Variants in LCOR observed in about 807,000 individuals in gnomAD.
LCOR encodes the protein ligand dependent nuclear receptor corepressor.
LCOR carries 14 observed loss-of-function variants against 64.4 expected under a neutral mutation model. That is an observed-to-expected ratio of 0.22 (90% CI 0.14 to 0.34). The LOEUF (loss-of-function observed/expected upper bound fraction) is 0.34, where lower values mean the gene tolerates loss of function less well. Among genes scored for constraint, LCOR ranks in the 10% least tolerant of loss-of-function variants. The pLI, the probability that LCOR is intolerant of heterozygous loss-of-function variation, is 1.00. For missense variants in LCOR, 1,686 were observed against 1,765.3 expected (o/e 0.96, Z 0.80); for synonymous variants, 643 against 642.5 (o/e 1.00, Z -0.01).
rs192159363 is a variant in LCOR, at chr10:96,854,426, A to G, written c.-330+20947A>G. 5.2e-3 allele frequency among the ~76,000 whole-genome samples: 791 copies of G among 152,250 alleles called. 6 individuals carry two copies. The highest frequency in any genetic ancestry group is 1.0e-2 in the African/African-American group (415 of 41,552). On this transcript the variant is annotated intron_variant, in intron 2 of 7. Coordinates refer to ENST00000421806, the MANE Select transcript of LCOR (RefSeq NM_001346516.2). The stretch of plus-strand genomic sequence containing the variant: ...ACCACAGCCTCCGCCTCCTGGGTTC[A>G]AGTGATTCTCCTGCCTCAGCCTCCC...
rs138597204 is a variant in LCOR, at chr10:96,835,824, T to G, written c.-330+2345T>G. On this transcript the variant is annotated intron_variant, in intron 2 of 7. Coordinates refer to ENST00000421806, the MANE Select transcript of LCOR (RefSeq NM_001346516.2). ...GGTGGTGGTGATGTTGCTGATTAAA[T>G]GATTAGGTTCAGTTGAATTGGAGTT... Among the ~76,000 whole-genome samples, 33 of 152,302 alleles carry G rather than the reference T, an allele frequency of 2.2e-4. No homozygotes were observed. In the East Asian group the frequency reaches 5.8e-3, roughly 27 times the overall value.
At position 96,953,314 on chromosome 10, in the gene LCOR, G is replaced by A. The variant is rs1005995579; in HGVS notation, c.332+1118G>A. ...GGCCTGTAATCCCAGCACTTTGGGC[G>A]GCTGAAGCGGGCAGATCACTTGAGG... On this transcript the variant is annotated intron_variant, in intron 7 of 7. Coordinates refer to ENST00000421806, the MANE Select transcript of LCOR (RefSeq NM_001346516.2). 2.6e-5 allele frequency among the ~76,000 whole-genome samples: 4 copies of A among 151,996 alleles called. No individual in the cohort carries two copies. The South Asian group carries it at 6.2e-4, about 24-fold the overall frequency.
At chr10:96,904,505 A>G (rs541025365) in intron 2 of LCOR, among the ~76,000 whole-genome samples, 1 of 152,286 alleles carries the variant, frequency 6.6e-6, no homozygotes, top group African/African-American at 2.4e-5. Flanking sequence ...TGTTTTAGGA[A>G]TAGCCTGAAG....
At chr10:96,931,547 T>C (rs909222917) in intron 4 of LCOR, among the ~76,000 whole-genome samples, 1 of 152,122 alleles carries the variant, frequency 6.6e-6, no homozygotes, top group Admixed American at 6.6e-5. Flanking sequence ...ATTGGTAGTT[T>C]CTATAGCTCT....
chr10:96,986,412 C>T lies in LCOR; in HGVS notation c.*1278C>T, dbSNP rs57437078. On this transcript the variant is annotated 3_prime_UTR_variant, in exon 8 of 8. Coordinates refer to ENST00000421806, the MANE Select transcript of LCOR (RefSeq NM_001346516.2). ...CTGTGAAGAGCCCACACACCCCCTA[C>T]ACCCAGAGCTGATGTTCAGCTGTAT... 7,150 of 152,514 alleles carry T rather than the reference C, an allele frequency of 0.047. 256 individuals carry two copies. The highest frequency in any genetic ancestry group is 0.18 in the East Asian group (918 of 5,186). 9.4% of individuals were successfully genotyped at this position (152,514 alleles called of 1,614,324 possible).
chr10:96,859,147 A>G (rs1368473915), intron 2 of LCOR, among the ~76,000 whole-genome samples: 2 of 152,154 alleles, frequency 1.3e-5, no homozygotes, highest in African/African-American at 4.8e-5. Context: ...TTTAACTGAT[A>G]TCATCAGGAA....
rs1038756064 is a variant in LCOR at position 96,887,404 on chromosome 10, A to G, written c.-329-19861A>G. Among the ~76,000 whole-genome samples the G allele has an allele frequency of 1.3e-5, 2 of 152,024 alleles. 1 individual carries two copies. The highest frequency in any genetic ancestry group is 4.1e-4 in the South Asian group (2 of 4,820). ...TGGTGAAACCCCGTCTCTACTAAAA[A>G]TACAAAAAATTAGCCGGGCGTCGTG... is the stretch of plus-strand genomic sequence containing the variant. On this transcript the variant is annotated intron_variant, in intron 2 of 7. Transcript: ENST00000421806.
rs1216452399 is a variant in LCOR, at chr10:96,839,985, T to G, written c.-330+6506T>G. Reference sequence around the variant, plus strand: ...TGTGAGCCACCACCCCTGGTTTATATTTTGTTTCCTGGTGCTAAGTTAAAT... The same window carrying G: ...TGTGAGCCACCACCCCTGGTTTATAGTTTGTTTCCTGGTGCTAAGTTAAAT... On this transcript the variant is annotated intron_variant, in intron 2 of 7. Coordinates refer to ENST00000421806, the MANE Select transcript of LCOR (RefSeq NM_001346516.2). Among the ~76,000 whole-genome samples, 4 of 152,332 alleles carry G rather than the reference T, an allele frequency of 2.6e-5. No individual in the cohort carries two copies. The South Asian group carries it at 6.2e-4, about 24-fold the overall frequency.
intron 2 of LCOR, among the ~76,000 whole-genome samples, chr10:96,861,801 G>T (rs186332477): frequency 6.6e-6 from 1 of 152,122 alleles, no homozygotes; most frequent in South Asian, 2.1e-4. Context: ...CAAAGTGCTG[G>T]GATTGCAGGT....
intron 7 of LCOR, 46 bp downstream of exon 7, chr10:96,952,242 T>A (rs534465047): frequency 7.6e-7 from 1 of 1,309,092 alleles, no homozygotes; most frequent in Admixed American, 1.8e-5. Context: ...TATAGATAAT[T>A]CATCAAAGGT....
chr10:96,952,293 C>T (rs1847695209), intron 7 of LCOR, 97 bp downstream of exon 7: 1 of 759,712 alleles, frequency 1.3e-6, no homozygotes, highest in Non-Finnish European at 2.2e-6. Flanking sequence ...AATAACCCTT[C>T]TAAGTAAGTC....
chr10:96,970,333 G>C (rs1329143342), intron 7 of LCOR, among the ~76,000 whole-genome samples: 1 of 151,982 alleles, frequency 6.6e-6, no homozygotes, highest in Non-Finnish European at 1.5e-5. Context: ...GGGAGGCGGA[G>C]GTTGCAGTGA....
chr10:96,911,963 T>C (rs1846844855), intron 4 of LCOR, among the ~76,000 whole-genome samples: 1 of 151,708 alleles, frequency 6.6e-6, no homozygotes, highest in Admixed American at 6.6e-5. Flanking sequence ...AGATGGAGTC[T>C]CACTGTTGCG....
chr10:96,983,553 A>G lies in LCOR; in HGVS notation c.3093A>G (p.Pro1031=). The G allele has an allele frequency of 6.2e-7, 1 of 1,614,134 alleles. No homozygotes were observed. Among genetic ancestry groups the G allele is most frequent in the Non-Finnish European group, 8.5e-7 (1 of 1,180,032 alleles). The change falls in exon 8 of 8, where the codon CCA becomes CCG. Residue 1031 remains proline, a synonymous_variant. Transcript: ENST00000421806. This position sits in a 1 kb window ranked among gnomAD's most constrained non-coding sequence, Gnocchi z 4.5. ...CTGCTAGGGCACCAAAATCGGTGCC[A>G]AGGCCTAAAAGATTGACCTCTTCAA... is the stretch of plus-strand genomic sequence containing the variant. ...GDAARAPKSV[P]RPKRLTSSTY...
At chr10:96,942,683 G>T (rs546979761) in intron 4 of LCOR, among the ~76,000 whole-genome samples, 5 of 152,216 alleles carry the variant, frequency 3.3e-5, no homozygotes, top group African/African-American at 1.2e-4. Flanking sequence ...ATCTTAGGAT[G>T]GGAAATCATA....
At position 96,989,690 on chromosome 10, in the gene LCOR, TATA is replaced by T. The variant is rs1380865910; in HGVS notation, c.*4557_*4559del. The T allele has an allele frequency of 3.6e-4, 29 of 81,206 alleles. No individual in the cohort carries two copies. In the South Asian group the frequency reaches 0.01, roughly 28 times the overall value. The allele number at this position is 81,206 out of a possible 1,614,324, so 5.0% of individuals were successfully genotyped here. The stretch of plus-strand genomic sequence containing the variant: ...AAGGATAAGGATATATATATATATA[TATA>T]TATTTTTTTTTTTTTTTTTTTTTTT... On this transcript the variant is annotated 3_prime_UTR_variant, in exon 8 of 8. Transcript: ENST00000421806.
intron 2 of LCOR, among the ~76,000 whole-genome samples, chr10:96,878,457 AAGAAG>A (rs1564612972): frequency 6.6e-6 from 1 of 152,064 alleles, no homozygotes; most frequent in South Asian, 2.1e-4. Flanking sequence ...TGTGGAAAGT[AAGAAG>A]AGAGAAAAGG....
At chr10:96,921,096 G>T (rs1193331698) in intron 4 of LCOR, among the ~76,000 whole-genome samples, 1 of 151,898 alleles carries the variant, frequency 6.6e-6, no homozygotes, top group Non-Finnish European at 1.5e-5. Context: ...CTCCCAAAGT[G>T]CTGGGATTAC....
chr10:96,944,314 T>C (rs1847549961), intron 5 of LCOR, 69 bp downstream of exon 5: 2 of 864,924 alleles, frequency 2.3e-6, no homozygotes, highest in African/African-American at 3.6e-5. Context: ...AATTTCATTG[T>C]CATTTTTAAA....
Sources: gnomAD v4.1 joint callset for allele counts (sites outside exome capture counted in the v4.1 genomes callset) on GRCh38, gnomAD v4.1.1 for gene constraint, Gnocchi (gnomAD v3.1) non-coding constraint, MANE v1.5 for transcripts, NCBI Gene and HGNC (gene_info 2026-07-23, HGNC 2026-07-21) for gene names.